IGFL2: variants seen among roughly 807,000 people sequenced by gnomAD.
IGFL2 encodes the protein insulin growth factor-like family member 2.
In IGFL2, 7 loss-of-function variants were observed where a neutral mutation model predicts 13.9. The observed-to-expected ratio is 0.51, with a 90% CI of 0.29 to 0.95. IGFL2 has a LOEUF of 0.95. Among genes scored for constraint, IGFL2 ranks in the 40% least tolerant of loss-of-function variants. IGFL2 has a pLI of 0.08. For missense variants in IGFL2, 138 were observed against 147.8 expected (o/e 0.93, Z 0.34); for synonymous variants, 55 against 55.8 (o/e 0.99, Z 0.07).
At chr19:46,118,653 C>T in the IGFL2 span, among the ~76,000 whole-genome samples, 11 of 152,196 alleles carry the variant, frequency 7.2e-5, no homozygotes, top group Non-Finnish European at 1.5e-4. Flanking sequence ...AGAGCCCAGA[C>T]ATCAGGTATC....
chr19:46,136,383 C>T, the IGFL2 span, among the ~76,000 whole-genome samples: 1 of 152,026 alleles, frequency 6.6e-6, no homozygotes, highest in Admixed American at 6.6e-5. Flanking sequence ...AGAATGTGGG[C>T]ATCTTGTTCC....
At position 46,161,278 on chromosome 19, in the gene IGFL2, T is replaced by G. The variant is rs958927884; in HGVS notation, c.*190T>G. ...ATTATCAGGAAATAAATAAAGTGGT[T>G]TTTCCAATGTACACACCTGTACCCA... On this transcript the variant is annotated 3_prime_UTR_variant, in exon 4 of 4. Transcript: ENST00000377693. The G allele has an allele frequency of 1.7e-6, 1 of 584,578 alleles. No homozygotes were observed. The highest frequency in any genetic ancestry group is 3.0e-6 in the Non-Finnish European group (1 of 329,144). 36.2% of individuals were successfully genotyped at this position (584,578 alleles called of 1,614,324 possible).
At chr19:46,149,240 C>T (rs1262695362) in intron 1 of IGFL2, among the ~76,000 whole-genome samples, 1 of 148,884 alleles carries the variant, frequency 6.7e-6, no homozygotes. Context: ...TCCCTTTTCT[C>T]TCTCTCTCTC....
the IGFL2 span, among the ~76,000 whole-genome samples, chr19:46,127,796 AT>A: frequency 6.6e-6 from 1 of 151,912 alleles, no homozygotes; most frequent in Non-Finnish European, 1.5e-5. Flanking sequence ...TCTACTTTTA[AT>A]TTTTTCGTAA....
intron 1 of IGFL2, among the ~76,000 whole-genome samples, chr19:46,154,914 G>A (rs1487555492): frequency 1.3e-5 from 2 of 152,172 alleles, no homozygotes; most frequent in Admixed American, 1.3e-4. Flanking sequence ...TCTCTGTTCT[G>A]ATGGCCTCCC....
At chr19:46,082,443 G>A in the IGFL2 span, among the ~76,000 whole-genome samples, 1 of 152,130 alleles carries the variant, frequency 6.6e-6, no homozygotes, top group African/African-American at 2.4e-5. Flanking sequence ...TCCTAGTTCA[G>A]TGCATACTAA....
At chr19:46,088,077 C>T in the IGFL2 span, among the ~76,000 whole-genome samples, 1 of 152,180 alleles carries the variant, frequency 6.6e-6, no homozygotes, top group African/African-American at 2.4e-5. Flanking sequence ...CACTGGGGGT[C>T]TCTCACCATT....
At chr19:46,091,916 T>C in the IGFL2 span, among the ~76,000 whole-genome samples, 1 of 152,310 alleles carries the variant, frequency 6.6e-6, no homozygotes, top group Non-Finnish European at 1.5e-5. Flanking sequence ...TTTAATGCCT[T>C]TCTGAATTAC....
chr19:46,124,115 G>T, the IGFL2 span: 8 of 1,611,020 alleles, frequency 5.0e-6, 1 homozygote, highest in Non-Finnish European at 6.8e-6. Context: ...CCACACCTGG[G>T]TGTCGGCTGG....
At chr19:46,196,235 GCCATGGCTC>G in the IGFL2 span, 1 of 254,698 alleles carries the variant, frequency 3.9e-6, no homozygotes, top group African/African-American at 2.3e-5. Flanking sequence ...CCACCCCAGA[GCCATGGCTC>G]CCGAGGCCAC....
At chr19:46,145,256 T>C (rs148270914), upstream of IGFL2, among the ~76,000 whole-genome samples, 182 of 152,296 alleles carry the variant, frequency 1.2e-3, no homozygotes, top group African/African-American at 4.2e-3. Flanking sequence ...TATGAGAAAT[T>C]CAGTGTCTTT....
chr19:46,105,999 C>A, the IGFL2 span, among the ~76,000 whole-genome samples: 1 of 152,082 alleles, frequency 6.6e-6, no homozygotes, highest in Non-Finnish European at 1.5e-5. Context: ...ATGGGGTCAG[C>A]TAAGTTTCCT....
At chr19:46,165,915 T>C (rs1215887346), downstream of IGFL2, among the ~76,000 whole-genome samples, 1 of 152,224 alleles carries the variant, frequency 6.6e-6, no homozygotes, top group Non-Finnish European at 1.5e-5. Flanking sequence ...CTGGATTGGA[T>C]GGTAGCTGGC....
chr19:46,146,081 G>C (rs1376248132), upstream of IGFL2, among the ~76,000 whole-genome samples: 1 of 151,524 alleles, frequency 6.6e-6, no homozygotes, highest in Non-Finnish European at 1.5e-5. Context: ...CTTGAAATAC[G>C]TAGTTTTACT....
chr19:46,193,217 CAA>C, the IGFL2 span, among the ~76,000 whole-genome samples: 4 of 151,990 alleles, frequency 2.6e-5, no homozygotes, highest in African/African-American at 7.2e-5. Flanking sequence ...AAACACAAAA[CAA>C]AGAAAAAACA....
chr19:46,103,433 G>C, the IGFL2 span, among the ~76,000 whole-genome samples: 1 of 152,108 alleles, frequency 6.6e-6, no homozygotes, highest in Non-Finnish European at 1.5e-5. Context: ...ACGGGAATGA[G>C]AATAAGAGTG....
chr19:46,148,677 A>G (rs1277451890), intron 1 of IGFL2: 1 of 551,370 alleles, frequency 1.8e-6, no homozygotes, highest in African/African-American at 1.9e-5. Flanking sequence ...TTATTTTTGA[A>G]CTCCTGGGCT....
chr19:46,205,901 G>A, the IGFL2 span, among the ~76,000 whole-genome samples: 1 of 152,154 alleles, frequency 6.6e-6, no homozygotes, highest in African/African-American at 2.4e-5. Context: ...TGGTTTGAAC[G>A]TCCTTCTGCT....
the IGFL2 span, among the ~76,000 whole-genome samples, chr19:46,109,984 G>C: frequency 2.0e-5 from 3 of 152,196 alleles, no homozygotes; most frequent in Non-Finnish European, 4.4e-5. Flanking sequence ...ACTAATAACT[G>C]TAAGTTTCTG....
Sources: allele counts gnomAD v4.1 joint callset (sites outside exome capture counted in the v4.1 genomes callset), GRCh38; gene constraint gnomAD v4.1.1; transcripts MANE v1.5; gene names NCBI Gene and HGNC (gene_info 2026-07-23, HGNC 2026-07-21).